CTNND2: variants seen among roughly 807,000 people sequenced by gnomAD.
CTNND2 encodes catenin delta 2, also known as catenin delta-2.
In CTNND2, 22 loss-of-function variants were observed where a neutral mutation model predicts 144.4. The observed-to-expected ratio is 0.15, with a 90% CI of 0.11 to 0.22. The LOEUF (loss-of-function observed/expected upper bound fraction) is 0.22, where lower values mean the gene tolerates loss of function less well. Ranked by LOEUF, CTNND2 falls within the 10% of genes least tolerant of loss-of-function variation. CTNND2 has a pLI of 1.00. For synonymous variants in CTNND2, 751 were observed against 695.6 expected, an observed-to-expected ratio of 1.08 and a Z score of -1.25; for missense variants, 1,353 against 1,618.8, an observed-to-expected ratio of 0.84 and a Z score of 2.82.
At chr5:11,726,604 G>A (rs935957232) in intron 2 of CTNND2, among the ~76,000 whole-genome samples, 2 of 152,104 alleles carry the variant, frequency 1.3e-5, no homozygotes, top group African/African-American at 4.8e-5. Flanking sequence ...TACATATTCA[G>A]TATGATTTTA....
intron 7 of CTNND2, among the ~76,000 whole-genome samples, chr5:11,366,081 T>C (rs564951243): frequency 1.1e-4 from 16 of 152,324 alleles, no homozygotes; most frequent in African/African-American, 3.6e-4. Flanking sequence ...TTCCTTGATC[T>C]TGGCCATGTC....
intron 14 of CTNND2, among the ~76,000 whole-genome samples, chr5:11,104,749 T>C (rs1752250962): frequency 6.6e-6 from 1 of 152,066 alleles, no homozygotes; most frequent in Non-Finnish European, 1.5e-5. Flanking sequence ...AAAGAGGGGA[T>C]AGAGTTGATG....
chr5:11,217,823 C>A (rs1175050236), intron 10 of CTNND2, among the ~76,000 whole-genome samples: 1 of 152,158 alleles, frequency 6.6e-6, no homozygotes, highest in Non-Finnish European at 1.5e-5. Flanking sequence ...CTTTCTGTTG[C>A]CCCTACTAGC....
chr5:11,773,506 G>A (rs986640980), intron 1 of CTNND2, among the ~76,000 whole-genome samples: 117 of 152,194 alleles, frequency 7.7e-4, no homozygotes, highest in African/African-American at 2.7e-3. Context: ...CCATATATAA[G>A]GACTTAGTAA....
At chr5:11,121,365 A>C (rs1423990429) in intron 12 of CTNND2, among the ~76,000 whole-genome samples, 4 of 152,190 alleles carry the variant, frequency 2.6e-5, no homozygotes, top group Admixed American at 2.0e-4. Flanking sequence ...GGTGACTTCT[A>C]TGTCTGGTTA....
At chr5:11,398,484 T>C (rs938193003) in intron 5 of CTNND2, among the ~76,000 whole-genome samples, 2 of 152,154 alleles carry the variant, frequency 1.3e-5, no homozygotes, top group African/African-American at 2.4e-5. Flanking sequence ...TATTTTTTCA[T>C]CAGTATTTGA....
intron 3 of CTNND2, among the ~76,000 whole-genome samples, chr5:11,473,673 G>C (rs1444616880): frequency 6.6e-6 from 1 of 152,218 alleles, no homozygotes; most frequent in Non-Finnish European, 1.5e-5. Flanking sequence ...AGCACACTGA[G>C]AGAAGGACAC....
At chr5:11,784,782 T>G (rs989524844) in intron 1 of CTNND2, among the ~76,000 whole-genome samples, 1 of 152,216 alleles carries the variant, frequency 6.6e-6, no homozygotes, top group African/African-American at 2.4e-5. Context: ...CAATCTGAGA[T>G]AGCACTGATG....
rs186256000 is a variant in CTNND2, at chr5:10,996,660, G to A, written c.3085-3983C>T. On this transcript the variant is annotated intron_variant, in intron 18 of 21. Transcript: ENST00000304623. The stretch of plus-strand genomic sequence containing the variant: ...TGTCACCAGGCTGGAGTGCAATGGC[G>A]TGATCTTGGCTCGCTGCAAACTCCA... Among the ~76,000 whole-genome samples, 93 of 152,226 alleles carry A rather than the reference G, an allele frequency of 6.1e-4. 1 individual carries two copies. The East Asian group carries it at 0.012, about 20-fold the overall frequency.
At chr5:11,108,062 G>C (rs957741942) in intron 14 of CTNND2, among the ~76,000 whole-genome samples, 3 of 152,186 alleles carry the variant, frequency 2.0e-5, no homozygotes, top group Admixed American at 6.5e-5. Flanking sequence ...ATAATAACTA[G>C]CAGAGAAGTT....
At chr5:11,269,039 A>G (rs1033302338) in intron 9 of CTNND2, among the ~76,000 whole-genome samples, 1 of 152,190 alleles carries the variant, frequency 6.6e-6, no homozygotes, top group African/African-American at 2.4e-5. Context: ...ATACAACAAC[A>G]CAGCTAAGAG....
At chr5:11,147,916 G>A (rs1376614305) in intron 12 of CTNND2, among the ~76,000 whole-genome samples, 3 of 152,170 alleles carry the variant, frequency 2.0e-5, no homozygotes, top group Non-Finnish European at 2.9e-5. Context: ...AGTGAACACA[G>A]CTCACATGTC....
rs1354932094 is a variant in CTNND2, at chr5:11,865,350, G to C, written c.37+38467C>G. The stretch of plus-strand genomic sequence containing the variant: ...TTTGGCAGCCTATCTGTCACTGAAA[G>C]GAAGAAATTTCAAAGAGCCTGATAT... On this transcript the variant is annotated intron_variant, in intron 1 of 21. Transcript: ENST00000304623. Among the ~76,000 whole-genome samples the C allele has an allele frequency of 2.6e-5, 4 of 152,198 alleles. No homozygotes were observed. The South Asian group carries it at 8.3e-4, about 32-fold the overall frequency.
rs547657955 is a variant in CTNND2 at position 11,350,560 on chromosome 5, C to T, written c.1373-3933G>A. On this transcript the variant is annotated intron_variant, in intron 8 of 21. Coordinates refer to ENST00000304623, the MANE Select transcript of CTNND2 (RefSeq NM_001332.4). ...AAATGGTCTTTTAGAACTGTCATTC[C>T]CAAATCCATGCTTTAAACTTCTTTT... Among the ~76,000 whole-genome samples, 6 of 152,118 alleles carry T rather than the reference C, an allele frequency of 3.9e-5. No individual in the cohort carries two copies. In the East Asian group the frequency reaches 9.7e-4, roughly 24 times the overall value.
chr5:11,107,547 T>C (rs555379267), intron 14 of CTNND2, among the ~76,000 whole-genome samples: 2 of 152,344 alleles, frequency 1.3e-5, no homozygotes, highest in Admixed American at 6.5e-5. Flanking sequence ...TCATAACACC[T>C]TCAGTGCAAA....
intron 12 of CTNND2, among the ~76,000 whole-genome samples, chr5:11,137,883 T>A (rs1455322810): frequency 1.3e-5 from 2 of 152,184 alleles, no homozygotes; most frequent in African/African-American, 2.4e-5. Context: ...ACAAGTTACC[T>A]CTAATTTACC....
chr5:11,530,484 G>A (rs550975695), intron 3 of CTNND2, among the ~76,000 whole-genome samples: 170 of 152,264 alleles, frequency 1.1e-3, no homozygotes, highest in African/African-American at 3.8e-3. Flanking sequence ...TTTCCAGGAG[G>A]TAGAAGAGGC....
intron 2 of CTNND2, among the ~76,000 whole-genome samples, chr5:11,603,829 C>T (rs1358555448): frequency 6.6e-6 from 1 of 152,138 alleles, no homozygotes; most frequent in Non-Finnish European, 1.5e-5. Flanking sequence ...TGTGGTCCCA[C>T]CCTCACACAG....
At chr5:11,540,621 G>A (rs955066294) in intron 3 of CTNND2, among the ~76,000 whole-genome samples, 14 of 151,982 alleles carry the variant, frequency 9.2e-5, no homozygotes, top group South Asian at 6.2e-4. Flanking sequence ...GGTTCAAGCC[G>A]GGCTCAGCCT....
Sources: gnomAD v4.1 joint callset for allele counts (sites outside exome capture counted in the v4.1 genomes callset) on GRCh38, gnomAD v4.1.1 for gene constraint, MANE v1.5 for transcripts, NCBI Gene and HGNC (gene_info 2026-07-23, HGNC 2026-07-21) for gene names.